IGFBP2: variants seen among roughly 807,000 people sequenced by gnomAD.
IGFBP2 encodes insulin-like growth factor-binding protein 2.
IGFBP2 carries 12 observed loss-of-function variants against 26.2 expected under a neutral mutation model. That is an observed-to-expected ratio of 0.46 (90% CI 0.29 to 0.74). The LOEUF is 0.74. Among genes scored for constraint, IGFBP2 ranks in the 30% least tolerant of loss-of-function variants. The probability of loss-of-function intolerance (pLI) is 0.09; values close to 1 mark genes in which losing one functional copy is unlikely to be tolerated. For synonymous variants in IGFBP2, 189 were observed against 200.6 expected (o/e 0.94, Z 0.49); for missense variants, 328 against 441.2 (o/e 0.74, Z 2.30).
intron 1 of IGFBP2, among the ~76,000 whole-genome samples, chr2:216,643,619 G>A (rs1042376502): frequency 1.3e-4 from 20 of 152,062 alleles, no homozygotes; most frequent in South Asian, 6.2e-4. Flanking sequence ...AAGAATTGTC[G>A]TGGGTCACAC....
rs768799813 is a variant in IGFBP2 at position 216,664,078 on chromosome 2, G to A, written c.952G>A (p.Gly318Arg). Residue 318 changes from glycine to arginine, a missense_variant, in exon 4 of 4, where the codon GGG becomes AGG. Transcript: ENST00000233809. This position sits in a 1 kb window ranked among gnomAD's most constrained non-coding sequence, Gnocchi z 4.6. Reference sequence around the variant, plus strand: ...CTACAATGAGCAGCAGGAGGCTCGCGGGGTGCACACCCAGCGGATGCAGTA... The same window carrying A: ...CTACAATGAGCAGCAGGAGGCTCGCAGGGTGCACACCCAGCGGATGCAGTA... The part of the protein sequence containing the change: ...LFYNEQQEAR[G>R]VHTQRMQ 22 of 1,611,794 alleles carry A rather than the reference G, an allele frequency of 1.4e-5. No homozygotes were observed. Among genetic ancestry groups the A allele is most frequent in the Middle Eastern group, 3.3e-4 (2 of 6,066 alleles).
At chr2:216,637,817 G>A (rs1189112498) in intron 1 of IGFBP2, among the ~76,000 whole-genome samples, 1 of 152,172 alleles carries the variant, frequency 6.6e-6, no homozygotes, top group African/African-American at 2.4e-5. Flanking sequence ...TCTCACTGTT[G>A]GCCTACTTCA....
chr2:216,656,451 C>G (rs1181826964), intron 1 of IGFBP2, among the ~76,000 whole-genome samples: 2 of 152,210 alleles, frequency 1.3e-5, no homozygotes, highest in Admixed American at 1.3e-4. Flanking sequence ...TATCAGCTTA[C>G]AGGTCTTGGG....
At chr2:216,655,553 C>A (rs1201713213) in intron 1 of IGFBP2, among the ~76,000 whole-genome samples, 1 of 152,172 alleles carries the variant, frequency 6.6e-6, no homozygotes, top group Non-Finnish European at 1.5e-5. Context: ...AATTAAAGCT[C>A]TTTCCTTTAT....
chr2:216,654,876 G>A (rs1439383010), intron 1 of IGFBP2, among the ~76,000 whole-genome samples: 3 of 152,138 alleles, frequency 2.0e-5, no homozygotes, highest in African/African-American at 7.2e-5. Context: ...TCACCTCAGA[G>A]AGTTTGGGAC....
At position 216,633,814 on chromosome 2, in the gene IGFBP2, G is replaced by T; in HGVS notation, c.291G>T (p.Ala97=). The change falls in exon 1 of 4, where the codon GCG becomes GCT. Residue 97 remains alanine, a synonymous_variant. Transcript: ENST00000233809. ...TGTGCGCCCGGCTGGAGGGCGAGGC[G>T]TGCGGCGTCTACACCCCGCGCTGCG... ...CSVCARLEGE[A]CGVYTPRCGQ... is the part of the protein sequence containing the mutation. 8 of 1,518,046 alleles carry T rather than the reference G, an allele frequency of 5.3e-6. No individual in the cohort carries two copies. Among genetic ancestry groups the T allele is most frequent in the Non-Finnish European group, 7.0e-6 (8 of 1,138,548 alleles). The allele number at this position is 1,518,046 out of a possible 1,614,324, so 94.0% of individuals were successfully genotyped here.
intron 1 of IGFBP2, among the ~76,000 whole-genome samples, chr2:216,657,906 AT>A (rs924291899): frequency 1.3e-4 from 19 of 150,958 alleles, no homozygotes; most frequent in Admixed American, 3.3e-4. Context: ...TAACATTTAA[AT>A]TTTTTTTTTC....
chr2:216,662,321 A>G, intron 3 of IGFBP2: 1 of 315,454 alleles, frequency 3.2e-6, no homozygotes, highest in South Asian at 4.0e-5. Context: ...CATTGACATC[A>G]CCTGGAGCTC....
At chr2:216,661,302 C>T in intron 2 of IGFBP2, 1 of 260,704 alleles carries the variant, frequency 3.8e-6, no homozygotes, top group South Asian at 4.6e-5. Flanking sequence ...GTGGGTCTCA[C>T]TATGTTGTCC....
At chr2:216,662,158 C>A in intron 3 of IGFBP2, 160 bp downstream of exon 3, 3 of 810,896 alleles carry the variant, frequency 3.7e-6, no homozygotes, top group Non-Finnish European at 5.8e-6. Flanking sequence ...AGCTGCCAGG[C>A]CGGGGAGGGT....
chr2:216,635,932 G>T (rs1028626021), intron 1 of IGFBP2, among the ~76,000 whole-genome samples: 1 of 152,074 alleles, frequency 6.6e-6, no homozygotes, highest in African/African-American at 2.4e-5. Context: ...GGGAAGAGGG[G>T]ATGTTAAGCA....
intron 1 of IGFBP2, among the ~76,000 whole-genome samples, chr2:216,639,703 C>T (rs753473607): frequency 1.3e-4 from 19 of 151,892 alleles, no homozygotes; most frequent in Non-Finnish European, 1.3e-4. Flanking sequence ...AGTGCAGTGG[C>T]GCAATCTCGG....
intron 1 of IGFBP2, among the ~76,000 whole-genome samples, chr2:216,646,812 C>A (rs1697718359): frequency 6.6e-6 from 1 of 152,212 alleles, no homozygotes; most frequent in Non-Finnish European, 1.5e-5. Context: ...CACTGGGTCC[C>A]TCCTACAACA....
Position 216,664,168 on chromosome 2 carries a change from G to A in IGFBP2, c.*64G>A, listed in dbSNP as rs1020811833. The A allele has an allele frequency of 3.1e-5, 43 of 1,367,146 alleles. No homozygotes were observed. Among genetic ancestry groups the A allele is most frequent in the Non-Finnish European group, 3.9e-5 (40 of 1,012,762 alleles). The allele number at this position is 1,367,146 out of a possible 1,614,324, so 84.7% of individuals were successfully genotyped here. On this transcript the variant is annotated 3_prime_UTR_variant, in exon 4 of 4. Transcript: ENST00000233809. The surrounding 1 kb of genome is among the most constrained non-coding windows in gnomAD (Gnocchi z 4.6). ...CCCTCTCCAAACACCGGCAGAAAACGGAGAGTGCTTGGGTGGTGGGTGCTG... is the reference window on the plus strand; with the variant it reads ...CCCTCTCCAAACACCGGCAGAAAACAGAGAGTGCTTGGGTGGTGGGTGCTG...
intron 1 of IGFBP2, among the ~76,000 whole-genome samples, chr2:216,659,235 C>A (rs1697982298): frequency 6.6e-6 from 1 of 152,176 alleles, no homozygotes; most frequent in South Asian, 2.1e-4. Context: ...CCGGTGCTGT[C>A]CCTGGCATGG....
intron 2 of IGFBP2, chr2:216,661,384 G>A (rs1038866246): frequency 8.1e-5 from 23 of 284,516 alleles, no homozygotes; most frequent in South Asian, 1.8e-4. Context: ...GATTACAGGC[G>A]CCAGCCACTG....
intron 1 of IGFBP2, 88 bp from the exon 2 acceptor site, chr2:216,660,466 CTCA>C (rs1559180520): frequency 2.2e-6 from 2 of 911,146 alleles, no homozygotes; most frequent in East Asian, 5.2e-5. Context: ...CATCTCCACC[CTCA>C]TCATCATTAC....
intron 1 of IGFBP2, among the ~76,000 whole-genome samples, chr2:216,647,664 C>CAT (rs1559176902): frequency 5.9e-5 from 9 of 152,020 alleles, no homozygotes; most frequent in Non-Finnish European, 1.3e-4. Flanking sequence ...GGACTACAGG[C>CAT]GCCCACCACC....
intron 1 of IGFBP2, among the ~76,000 whole-genome samples, chr2:216,656,774 C>T (rs979220290): frequency 6.6e-6 from 1 of 152,212 alleles, no homozygotes; most frequent in Non-Finnish European, 1.5e-5. Context: ...ACCCAAGCCA[C>T]TTCCCAAGAG....
Sources: allele counts gnomAD v4.1 joint callset (sites outside exome capture counted in the v4.1 genomes callset), GRCh38; gene constraint gnomAD v4.1.1; non-coding constraint Gnocchi (gnomAD v3.1); transcripts MANE v1.5; gene names NCBI Gene and HGNC (gene_info 2026-07-23, HGNC 2026-07-21).